GRIN2A: variants seen among roughly 807,000 people sequenced by gnomAD.
The protein encoded by GRIN2A is glutamate receptor ionotropic, NMDA 2A.
GRIN2A carries 22 observed loss-of-function variants against 113.4 expected under a neutral mutation model. The observed-to-expected ratio is 0.19, with a 90% CI of 0.14 to 0.28. GRIN2A has a LOEUF of 0.28. Ranked by LOEUF, GRIN2A falls within the 10% of genes least tolerant of loss-of-function variation. GRIN2A has a pLI of 1.00. For missense variants in GRIN2A, 1,502 were observed against 1,887.0 expected (o/e 0.80, Z 3.78); for synonymous variants, 827 against 738.4 (o/e 1.12, Z -1.94).
intron 2 of GRIN2A, among the ~76,000 whole-genome samples, chr16:10,079,307 T>C (rs774010531): frequency 6.6e-6 from 1 of 152,210 alleles, no homozygotes; most frequent in Admixed American, 6.5e-5. Flanking sequence ...AGGAGAGAAC[T>C]GACTGGGTAG....
intron 3 of GRIN2A, among the ~76,000 whole-genome samples, chr16:9,932,414 C>T (rs1462826440): frequency 6.6e-6 from 1 of 152,058 alleles, no homozygotes; most frequent in African/African-American, 2.4e-5. Context: ...CTTGCTCTGT[C>T]GCCCAGGCTG....
chr16:9,777,549 C>G (rs1901678370), intron 11 of GRIN2A, among the ~76,000 whole-genome samples: 1 of 152,164 alleles, frequency 6.6e-6, no homozygotes, highest in African/African-American at 2.4e-5. Flanking sequence ...AAAAATAGGG[C>G]TAGGCTTAAA....
intron 2 of GRIN2A, among the ~76,000 whole-genome samples, chr16:10,022,522 T>A (rs1384466306): frequency 1.3e-5 from 2 of 152,218 alleles, no homozygotes; most frequent in Non-Finnish European, 2.9e-5. Flanking sequence ...TCTACATCCC[T>A]ACAACATTTC....
intron 11 of GRIN2A, among the ~76,000 whole-genome samples, chr16:9,774,514 C>T (rs1377521702): frequency 6.6e-6 from 1 of 152,172 alleles, no homozygotes; most frequent in African/African-American, 2.4e-5. Flanking sequence ...ACTACTCATC[C>T]ATTCATGTAT....
chr16:9,781,392 G>C (rs1202011883), intron 11 of GRIN2A, among the ~76,000 whole-genome samples: 4 of 152,078 alleles, frequency 2.6e-5, no homozygotes, highest in Non-Finnish European at 4.4e-5. Flanking sequence ...ACAGGGTCTT[G>C]TTCTGTCACC....
chr16:9,984,478 G>A (rs905737016), intron 2 of GRIN2A, among the ~76,000 whole-genome samples: 7 of 152,178 alleles, frequency 4.6e-5, no homozygotes, highest in Non-Finnish European at 2.9e-5. Context: ...CAGTTTCACA[G>A]TTTTAGGTTT....
intron 2 of GRIN2A, among the ~76,000 whole-genome samples, chr16:10,160,605 T>A (rs1348102109): frequency 6.6e-6 from 1 of 152,240 alleles, no homozygotes; most frequent in African/African-American, 2.4e-5. Flanking sequence ...TTGGAGGGCA[T>A]CAGAGACTTT....
intron 2 of GRIN2A, among the ~76,000 whole-genome samples, chr16:10,141,495 GAAATA>G (rs2049325972): frequency 6.6e-6 from 1 of 151,918 alleles, no homozygotes; most frequent in African/African-American, 2.4e-5. Context: ...CTAAAAAAAT[GAAATA>G]AAATAAAATA....
intron 2 of GRIN2A, among the ~76,000 whole-genome samples, chr16:9,974,302 C>T (rs931170497): frequency 6.6e-6 from 1 of 152,156 alleles, no homozygotes; most frequent in East Asian, 1.9e-4. Flanking sequence ...CCTGGGCCTG[C>T]CTGACCTAAG....
At chr16:10,046,645 T>TACAC (rs369417939) in intron 2 of GRIN2A, among the ~76,000 whole-genome samples, 1 of 151,500 alleles carries the variant, frequency 6.6e-6, no homozygotes, top group African/African-American at 2.4e-5. Flanking sequence ...GAGCAGCAGC[T>TACAC]ACACACACAC....
rs1024171711 is a variant in GRIN2A, at chr16:9,905,255, A to G, written c.1008-14155T>C. Among the ~76,000 whole-genome samples, 11 of 152,336 alleles carry G rather than the reference A, an allele frequency of 7.2e-5. 1 individual carries two copies. In the South Asian group the frequency reaches 2.3e-3, roughly 32 times the overall value. On this transcript the variant is annotated intron_variant, in intron 3 of 12. Coordinates refer to ENST00000330684, the MANE Select transcript of GRIN2A (RefSeq NM_001134407.3). ...AATAAATGGCAATATGTCTGCAGCT[A>G]ATGTTCCTGTTGCTGTAAGAACATT... is the stretch of plus-strand genomic sequence containing the variant.
intron 2 of GRIN2A, among the ~76,000 whole-genome samples, chr16:10,160,957 CAG>C (rs1449304488): frequency 2.0e-5 from 3 of 152,224 alleles, no homozygotes; most frequent in East Asian, 3.8e-4. Context: ...GGTTCTCAAA[CAG>C]AGGCACACAC....
chr16:10,161,839 T>G (rs2049815349), intron 2 of GRIN2A, among the ~76,000 whole-genome samples: 1 of 152,174 alleles, frequency 6.6e-6, no homozygotes, highest in East Asian at 1.9e-4. Context: ...ATCTTCAAAG[T>G]GCATCACTCC....
At chr16:9,884,571 A>G (rs909710925) in intron 4 of GRIN2A, among the ~76,000 whole-genome samples, 7 of 151,994 alleles carry the variant, frequency 4.6e-5, no homozygotes, top group African/African-American at 1.7e-4. Context: ...TAAATAATAA[A>G]ATAAACAAAG....
rs574179173 is a variant in GRIN2A at position 9,756,902 on chromosome 16, T to C, written c.*6247A>G. 4.2e-4 allele frequency: 79 copies of C among 186,404 alleles called. No individual in the cohort carries two copies. The highest frequency in any genetic ancestry group is 2.0e-3 in the Middle Eastern group (1 of 500). 11.5% of individuals were successfully genotyped at this position (186,404 alleles called of 1,614,324 possible). A position where few individuals can be genotyped will look rare whatever the true frequency, so the allele number is the denominator to read the frequency against. ...CCATCTCTTTGCCCCGTTTTCTCTCTAGGGAACCTGATGCTTTCTGTCAGC... is the reference window on the plus strand; with the variant it reads ...CCATCTCTTTGCCCCGTTTTCTCTCCAGGGAACCTGATGCTTTCTGTCAGC... On this transcript the variant is annotated 3_prime_UTR_variant, in exon 13 of 13. Transcript: ENST00000330684.
At chr16:9,872,172 T>G (rs1444982296) in intron 4 of GRIN2A, among the ~76,000 whole-genome samples, 1 of 152,210 alleles carries the variant, frequency 6.6e-6, no homozygotes, top group Admixed American at 6.5e-5. Context: ...TAGCTCCATT[T>G]TGCTGTTGGA....
intron 2 of GRIN2A, among the ~76,000 whole-genome samples, chr16:10,017,380 G>A (rs1303583746): frequency 1.3e-5 from 2 of 152,030 alleles, no homozygotes; most frequent in Non-Finnish European, 2.9e-5. Context: ...CTACCTGGGG[G>A]CTGGGGATCA....
intron 3 of GRIN2A, among the ~76,000 whole-genome samples, chr16:9,936,398 C>T (rs2044714358): frequency 6.6e-6 from 1 of 152,134 alleles, no homozygotes; most frequent in Non-Finnish European, 1.5e-5. Flanking sequence ...AAATGATGTG[C>T]AAGTCATACA....
chr16:10,153,596 C>T (rs2049629367), intron 2 of GRIN2A, among the ~76,000 whole-genome samples: 1 of 152,170 alleles, frequency 6.6e-6, no homozygotes, highest in Admixed American at 6.5e-5. Flanking sequence ...TGTGCTAGAA[C>T]ATAAGATCCT....
Sources: allele counts gnomAD v4.1 joint callset (sites outside exome capture counted in the v4.1 genomes callset), GRCh38; gene constraint gnomAD v4.1.1; transcripts MANE v1.5; gene names NCBI Gene and HGNC (gene_info 2026-07-23, HGNC 2026-07-21).